Variants in CUBN observed in about 807,000 individuals in gnomAD.
CUBN encodes the protein 460 kDa receptor.
A neutral mutation model predicts 405.3 loss-of-function variants in CUBN; 282 were observed. The observed-to-expected ratio is 0.70, with a 90% CI of 0.63 to 0.77. The LOEUF is 0.77. Among genes scored for constraint, CUBN ranks in the 30% least tolerant of loss-of-function variants. CUBN has a pLI of 0.00. For missense variants in CUBN, 4,514 were observed against 4,475.2 expected, an observed-to-expected ratio of 1.01 and a Z score of -0.25; for synonymous variants, 1,684 against 1,617.0, an observed-to-expected ratio of 1.04 and a Z score of -0.99.
chr10:16,946,763 G>A (rs1242541407), intron 36 of CUBN, among the ~76,000 whole-genome samples: 7 of 151,916 alleles, frequency 4.6e-5, no homozygotes, highest in South Asian at 2.1e-4. Context: ...CCCAAAGTGC[G>A]GGATTACAGG....
chr10:16,989,377 A>G (rs1833515462), intron 29 of CUBN, among the ~76,000 whole-genome samples: 1 of 148,244 alleles, frequency 6.7e-6, no homozygotes. Context: ...AATTATTGTA[A>G]TTATTAATTA....
intron 17 of CUBN, among the ~76,000 whole-genome samples, 168 bp from the exon 18 acceptor site, chr10:17,072,139 T>A (rs906547259): frequency 6.6e-6 from 1 of 152,134 alleles, no homozygotes; most frequent in African/African-American, 2.4e-5. Flanking sequence ...TTAAGCACAA[T>A]GCAATAACAT....
At chr10:17,081,873 T>C (rs1215738903) in intron 17 of CUBN, among the ~76,000 whole-genome samples, 1 of 152,238 alleles carries the variant, frequency 6.6e-6, no homozygotes, top group Non-Finnish European at 1.5e-5. Context: ...GTTGGTTGTA[T>C]TCCTTTAGGT....
intron 31 of CUBN, among the ~76,000 whole-genome samples, chr10:16,956,531 T>C (rs1475569671): frequency 6.6e-6 from 1 of 152,060 alleles, no homozygotes; most frequent in Non-Finnish European, 1.5e-5. Context: ...TCTTACTACA[T>C]TCATACTTGA....
At chr10:17,023,911 C>G (rs1834578366) in intron 27 of CUBN, among the ~76,000 whole-genome samples, 3 of 152,144 alleles carry the variant, frequency 2.0e-5, no homozygotes, top group Admixed American at 2.0e-4. Context: ...AAACCTTCCT[C>G]TGTGAAATCT....
rs973444106 is a variant in CUBN, at chr10:16,969,620, T to C, written c.4695+12864A>G. Among the ~76,000 whole-genome samples, 64 of 152,308 alleles carry C rather than the reference T, an allele frequency of 4.2e-4. 1 individual carries two copies. The highest frequency in any genetic ancestry group is 1.5e-3 in the African/African-American group (63 of 41,588). ...CGCCTGCCTTGGCATCCCAAAGTGC[T>C]GGGATTACAGGCGTGAGCCACTGAG... On this transcript the variant is annotated intron_variant, in intron 31 of 66. Coordinates refer to ENST00000377833, the MANE Select transcript of CUBN (RefSeq NM_001081.4).
At chr10:17,091,507 A>G (rs2131286451) in intron 14 of CUBN, among the ~76,000 whole-genome samples, 1 of 152,308 alleles carries the variant, frequency 6.6e-6, no homozygotes, top group South Asian at 2.1e-4. Context: ...CTATTCCATT[A>G]AAGAACTTCA....
At chr10:16,926,266 A>G (rs539176760) in intron 41 of CUBN, among the ~76,000 whole-genome samples, 2 of 152,292 alleles carry the variant, frequency 1.3e-5, no homozygotes, top group South Asian at 2.1e-4. Context: ...TAAAGGCTTG[A>G]TGTGTTAGAG....
intron 31 of CUBN, among the ~76,000 whole-genome samples, chr10:16,955,381 A>C (rs1389187502): frequency 6.4e-5 from 7 of 109,606 alleles, no homozygotes; most frequent in Non-Finnish European, 1.2e-4. Context: ...TCTCAAAAAA[A>C]AAAAAAAAAA....
intron 8 of CUBN, among the ~76,000 whole-genome samples, chr10:17,111,678 C>T (rs1419076362): frequency 6.6e-6 from 1 of 152,168 alleles, no homozygotes; most frequent in Non-Finnish European, 1.5e-5. Context: ...AATCCCAGCA[C>T]TTTGGGAGGC....
At chr10:16,874,598 C>G (rs1564397636) in intron 57 of CUBN, 95 bp from the exon 58 acceptor site, 6 of 1,459,784 alleles carry the variant, frequency 4.1e-6, no homozygotes, top group Non-Finnish European at 3.8e-6. Context: ...TACATTTTTC[C>G]CTAAAAGAGG....
intron 17 of CUBN, among the ~76,000 whole-genome samples, chr10:17,082,457 A>T (rs1835994129): frequency 6.6e-6 from 1 of 152,140 alleles, no homozygotes; most frequent in Non-Finnish European, 1.5e-5. Flanking sequence ...GCTCACTGAA[A>T]TTCAGTTCTA....
intron 31 of CUBN, among the ~76,000 whole-genome samples, chr10:16,961,704 C>CTTTTTTTTT (rs138499807): frequency 2.7e-5 from 2 of 74,036 alleles, no homozygotes; most frequent in Non-Finnish European, 2.5e-5. Context: ...AAAGCAATCC[C>CTTTTTTTTT]TTTTTTTTTT....
chr10:17,128,326 C>T (rs1837246481), intron 2 of CUBN, among the ~76,000 whole-genome samples: 1 of 152,140 alleles, frequency 6.6e-6, no homozygotes. Context: ...ATAAAGGCCA[C>T]CTCATAGGAC....
chr10:17,014,628 A>T (rs149856713), intron 28 of CUBN, among the ~76,000 whole-genome samples: 35 of 152,302 alleles, frequency 2.3e-4, no homozygotes, highest in African/African-American at 7.9e-4. Flanking sequence ...TGGGTCTTCG[A>T]CCTAGATGCC....
At chr10:16,900,560 C>T (rs1449215919) in intron 53 of CUBN, 65 bp downstream of exon 53, 1 of 1,211,358 alleles carries the variant, frequency 8.3e-7, no homozygotes, top group East Asian at 2.3e-5. Flanking sequence ...ACAAAATGTA[C>T]ATATTATGAG....
At chr10:17,081,710 C>T (rs1197944170) in intron 17 of CUBN, among the ~76,000 whole-genome samples, 1 of 152,118 alleles carries the variant, frequency 6.6e-6, no homozygotes, top group African/African-American at 2.4e-5. Context: ...GATTTAAAGA[C>T]AAGAGCTTTA....
Position 17,115,457 on chromosome 10 carries a change from G to A in CUBN, c.720+14C>T, listed in dbSNP as rs1230292077. ...GGCTCTCTGCAAGGAGGCACATTTG[G>A]GGAAGGGACCCACCTCTCCAGCTTG... On this transcript the variant is annotated intron_variant, in intron 7 of 66. Transcript: ENST00000377833. The A allele has an allele frequency of 6.8e-6, 11 of 1,613,380 alleles. No homozygotes were observed. Among genetic ancestry groups the A allele is most frequent in the Non-Finnish European group, 9.3e-6 (11 of 1,179,830 alleles).
chr10:16,976,053 T>C (rs1313309143), intron 31 of CUBN, among the ~76,000 whole-genome samples: 1 of 149,020 alleles, frequency 6.7e-6, no homozygotes, highest in African/African-American at 2.5e-5. Flanking sequence ...TCACTGCAAC[T>C]CCTGCCTTCC....
Sources: gnomAD v4.1 joint callset for allele counts (sites outside exome capture counted in the v4.1 genomes callset) on GRCh38, gnomAD v4.1.1 for gene constraint, MANE v1.5 for transcripts, NCBI Gene and HGNC (gene_info 2026-07-23, HGNC 2026-07-21) for gene names.